Variants in CELF4 observed in about 807,000 individuals in gnomAD.
CELF4 encodes CUG-BP- and ETR-3-like factor 4.
A neutral mutation model predicts 59.9 loss-of-function variants in CELF4; 18 were observed. The observed-to-expected ratio is 0.30, with a 90% CI of 0.21 to 0.45. The LOEUF (loss-of-function observed/expected upper bound fraction) is 0.45. Among genes scored for constraint, CELF4 ranks in the 20% least tolerant of loss-of-function variants. The pLI is 1.00. For missense variants in CELF4, 456 were observed against 689.0 expected (o/e 0.66, Z 3.79); for synonymous variants, 261 against 267.1 (o/e 0.98, Z 0.22).
intron 2 of CELF4, among the ~76,000 whole-genome samples, chr18:37,322,581 C>G (rs515198): frequency 0.54 from 81,771 of 152,098 alleles, 22,576 homozygotes; most frequent in East Asian, 0.75. Flanking sequence ...TCTTCCCTCT[C>G]GGGGATCTGT....
At chr18:37,323,706 C>T (rs625174) in intron 2 of CELF4, among the ~76,000 whole-genome samples, 80,804 of 152,088 alleles carry the variant, frequency 0.53, 21,992 homozygotes, top group East Asian at 0.76. Context: ...TGACCTGGAC[C>T]CAGTTCCAGC....
intron 12 of CELF4, among the ~76,000 whole-genome samples, chr18:37,249,537 C>T (rs549357714): frequency 6.6e-6 from 1 of 152,206 alleles, no homozygotes; most frequent in South Asian, 2.1e-4. Context: ...TCACACATAC[C>T]CTCATCTCTC....
intron 1 of CELF4, among the ~76,000 whole-genome samples, chr18:37,491,825 C>T (rs971416182): frequency 1.3e-5 from 2 of 152,150 alleles, no homozygotes; most frequent in Non-Finnish European, 2.9e-5. Flanking sequence ...AGAAGGTGGG[C>T]GGTGCCCTCT....
rs914067694 is a variant in CELF4 at position 37,245,028 on chromosome 18, T to C, written c.*214A>G. ...CCAAACACGTGCCCTCTGAACTCCA[T>C]AGACGCTATACTTTCCTTGAAGAAA... On this transcript the variant is annotated 3_prime_UTR_variant, in exon 13 of 13. Transcript: ENST00000420428. This position sits in a 1 kb window ranked among gnomAD's most constrained non-coding sequence, Gnocchi z 4.1. The C allele has an allele frequency of 6.6e-6, 1 of 152,558 alleles. No individual in the cohort carries two copies. The highest frequency in any genetic ancestry group is 1.5e-5 in the Non-Finnish European group (1 of 68,040). 9.5% of individuals were successfully genotyped at this position (152,558 alleles called of 1,614,324 possible). A position where few individuals can be genotyped will look rare whatever the true frequency, so the allele number is the denominator to read the frequency against.
intron 2 of CELF4, among the ~76,000 whole-genome samples, chr18:37,474,357 C>T (rs187942728): frequency 1.0e-3 from 155 of 152,352 alleles, no homozygotes; most frequent in Middle Eastern, 3.4e-3. Context: ...TGTGGTGACA[C>T]CTCGAGGGCC....
At chr18:37,353,063 T>TA (rs2098480238) in intron 2 of CELF4, among the ~76,000 whole-genome samples, 1 of 151,464 alleles carries the variant, frequency 6.6e-6, no homozygotes, top group Non-Finnish European at 1.5e-5. Context: ...CTACTAAAAA[T>TA]ACAAAAAATT....
intron 2 of CELF4, among the ~76,000 whole-genome samples, chr18:37,323,861 G>T (rs369133482): frequency 6.6e-6 from 1 of 152,198 alleles, no homozygotes; most frequent in Non-Finnish European, 1.5e-5. Context: ...GCCAGGATGA[G>T]TAGGCACATG....
At chr18:37,415,625 G>T (rs559042523) in intron 2 of CELF4, among the ~76,000 whole-genome samples, 1 of 152,316 alleles carries the variant, frequency 6.6e-6, no homozygotes, top group South Asian at 2.1e-4. Flanking sequence ...TGGTCTTCAA[G>T]CACTTTGTTT....
intron 1 of CELF4, among the ~76,000 whole-genome samples, chr18:37,505,102 G>A (rs1246225938): frequency 6.6e-6 from 1 of 151,094 alleles, no homozygotes; most frequent in Non-Finnish European, 1.5e-5. Flanking sequence ...GCAGGGGCAG[G>A]GGGCAACTGT....
chr18:37,245,748 GTATATA>G lies in CELF4; in HGVS notation c.*45-557_*45-552del, dbSNP rs1439750642. 6.6e-6 allele frequency among the ~76,000 whole-genome samples: 1 copy of G among 152,094 alleles called. No homozygotes were observed. On this transcript the variant is annotated intron_variant, in intron 12 of 12. Transcript: ENST00000420428. This position sits in a 1 kb window ranked among gnomAD's most constrained non-coding sequence, Gnocchi z 4.1. ...GGTCAGTAACTATTTGCGAGGCTGT[GTATATA>G]TATGTATATCTGGATATATGTGTAG...
intron 11 of CELF4, among the ~76,000 whole-genome samples, chr18:37,256,373 G>A (rs906452839): frequency 6.6e-6 from 1 of 152,096 alleles, no homozygotes; most frequent in African/African-American, 2.4e-5. Context: ...CTTTAACATA[G>A]GGCCACTTTT....
intron 3 of CELF4, among the ~76,000 whole-genome samples, chr18:37,293,049 A>T (rs1419021719): frequency 6.6e-6 from 1 of 152,178 alleles, no homozygotes; most frequent in African/African-American, 2.4e-5. Context: ...AGGACCCCAC[A>T]AAAGGGGGTT....
At position 37,286,285 on chromosome 18, in the gene CELF4, T is replaced by C. The variant is rs79936899; in HGVS notation, c.449-11042A>G. 4.2e-3 allele frequency among the ~76,000 whole-genome samples: 637 copies of C among 152,322 alleles called. 2 individuals carry two copies. The highest frequency in any genetic ancestry group is 6.2e-3 in the Admixed American group (95 of 15,294). On this transcript the variant is annotated intron_variant, in intron 3 of 12. Transcript: ENST00000420428. ...TAGAGCTGTTTGTCTCTATTAACCA[T>C]GGAGCGGGGGCTCGTTAGCTGGGCG... is the stretch of plus-strand genomic sequence containing the variant.
intron 3 of CELF4, among the ~76,000 whole-genome samples, chr18:37,302,435 C>T (rs2096117539): frequency 6.6e-6 from 1 of 152,218 alleles, no homozygotes; most frequent in South Asian, 2.1e-4. Flanking sequence ...AATTATCGCC[C>T]CCAACATCAG....
Position 37,398,752 on chromosome 18 carries a change from C to T in CELF4, c.370-76871G>A, listed in dbSNP as rs550524600. Among the ~76,000 whole-genome samples, 31 of 152,292 alleles carry T rather than the reference C, an allele frequency of 2.0e-4. No homozygotes were observed. The South Asian group carries it at 6.4e-3, about 32-fold the overall frequency. On this transcript the variant is annotated intron_variant, in intron 2 of 12. Transcript: ENST00000420428. ...GGTTCCGGAGAGTGGTGGAGCTTAG[C>T]AGGCAGGGCACTGTGTTGCGATCAC...
intron 2 of CELF4, among the ~76,000 whole-genome samples, chr18:37,463,902 T>C (rs1219985047): frequency 6.6e-6 from 1 of 152,036 alleles, no homozygotes; most frequent in East Asian, 1.9e-4. Context: ...GGCAGGGCCA[T>C]CCAGGGCTGC....
chr18:37,367,987 G>A (rs528468456), intron 2 of CELF4, among the ~76,000 whole-genome samples: 72 of 152,094 alleles, frequency 4.7e-4, no homozygotes, highest in African/African-American at 1.6e-3. Context: ...GAGAGGAGGC[G>A]GCATGGTGCG....
intron 2 of CELF4, among the ~76,000 whole-genome samples, chr18:37,402,641 G>A (rs1257102306): frequency 6.6e-6 from 1 of 152,158 alleles, no homozygotes; most frequent in Non-Finnish European, 1.5e-5. Flanking sequence ...AAAGGTGAAA[G>A]AGAAAGACAA....
chr18:37,365,451 C>T (rs2098764731), intron 2 of CELF4, among the ~76,000 whole-genome samples: 3 of 143,180 alleles, frequency 2.1e-5, no homozygotes, highest in Admixed American at 7.0e-5. Context: ...GAGAGAATTT[C>T]TTCACAGATC....
Sources: allele counts gnomAD v4.1 joint callset (sites outside exome capture counted in the v4.1 genomes callset), GRCh38; gene constraint gnomAD v4.1.1; non-coding constraint Gnocchi (gnomAD v3.1); transcripts MANE v1.5; gene names NCBI Gene and HGNC (gene_info 2026-07-23, HGNC 2026-07-21).